Variants in TSHZ2 observed in about 807,000 individuals in gnomAD.
TSHZ2 encodes the protein teashirt homolog 2.
A neutral mutation model predicts 74.4 loss-of-function variants in TSHZ2; 21 were observed. That is an observed-to-expected ratio of 0.28 (90% CI 0.20 to 0.41). The LOEUF is 0.41. Ranked by LOEUF, TSHZ2 falls within the 10% of genes least tolerant of loss-of-function variation. The probability of loss-of-function intolerance (pLI) is 1.00; values close to 1 mark genes in which losing one functional copy is unlikely to be tolerated. For synonymous variants in TSHZ2, 540 were observed against 515.3 expected (o/e 1.05, Z -0.65); for missense variants, 1,244 against 1,293.5 (o/e 0.96, Z 0.59).
chr20:53,157,086 C>T (rs1286711404), intron 1 of TSHZ2, among the ~76,000 whole-genome samples: 1 of 152,182 alleles, frequency 6.6e-6, no homozygotes, highest in African/African-American at 2.4e-5. Flanking sequence ...GTCCTGCTTT[C>T]GTATCTGCCC....
At chr20:53,227,873 T>G (rs1050008577) in intron 1 of TSHZ2, among the ~76,000 whole-genome samples, 3 of 152,170 alleles carry the variant, frequency 2.0e-5, no homozygotes, top group African/African-American at 7.2e-5. Flanking sequence ...TTTCTTTCTT[T>G]CGTTCTTCCT....
chr20:53,152,632 C>T (rs1053258200), intron 1 of TSHZ2, among the ~76,000 whole-genome samples: 1 of 152,190 alleles, frequency 6.6e-6, no homozygotes, highest in East Asian at 1.9e-4. Context: ...CTATGTAGGA[C>T]AACCAAGACA....
At chr20:53,202,646 A>G (rs993481118) in intron 1 of TSHZ2, among the ~76,000 whole-genome samples, 1 of 152,228 alleles carries the variant, frequency 6.6e-6, no homozygotes, top group Non-Finnish European at 1.5e-5. Flanking sequence ...TCACCGTAGC[A>G]TAGGCAGAGG....
intron 2 of TSHZ2, among the ~76,000 whole-genome samples, chr20:53,466,517 T>TCCAGG (rs1158278249): frequency 6.6e-6 from 1 of 152,180 alleles, no homozygotes; most frequent in Non-Finnish European, 1.5e-5. Flanking sequence ...CTTTAAGCTG[T>TCCAGG]CCAGGTTGTT....
intron 2 of TSHZ2, among the ~76,000 whole-genome samples, chr20:53,351,292 G>T (rs183631395): frequency 6.9e-4 from 105 of 152,054 alleles, no homozygotes; most frequent in Middle Eastern, 6.8e-3. Context: ...TATTTTGCAT[G>T]GTTAAAAACT....
chr20:53,093,216 G>T (rs757176418), intron 1 of TSHZ2, among the ~76,000 whole-genome samples: 9 of 152,194 alleles, frequency 5.9e-5, no homozygotes, highest in Non-Finnish European at 1.3e-4. Flanking sequence ...AACGAGGAAT[G>T]CTCAGTGATG....
chr20:53,259,640 C>T (rs1990561234), intron 2 of TSHZ2, among the ~76,000 whole-genome samples: 1 of 152,170 alleles, frequency 6.6e-6, no homozygotes, highest in Non-Finnish European at 1.5e-5. Flanking sequence ...CAATGAGCTG[C>T]CACTTCTGTT....
intron 1 of TSHZ2, among the ~76,000 whole-genome samples, chr20:53,221,688 AC>A (rs1989561913): frequency 1.3e-5 from 2 of 152,164 alleles, no homozygotes; most frequent in South Asian, 4.1e-4. Flanking sequence ...ACTCATAATC[AC>A]TTGCTTTTTT....
At chr20:53,319,016 C>T (rs200649) in intron 2 of TSHZ2, among the ~76,000 whole-genome samples, 128,720 of 152,138 alleles carry the variant, frequency 0.85, 54,643 homozygotes, top group African/African-American at 0.9. Flanking sequence ...ATGAGACTTA[C>T]TCACTACCAT....
intron 1 of TSHZ2, among the ~76,000 whole-genome samples, chr20:53,037,911 C>T (rs776685412): frequency 4.6e-5 from 7 of 152,012 alleles, no homozygotes; most frequent in Non-Finnish European, 1.0e-4. Context: ...GCGAGTCTGC[C>T]AGGACAGAAT....
intron 2 of TSHZ2, among the ~76,000 whole-genome samples, chr20:53,376,250 C>G (rs1420260362): frequency 6.6e-6 from 1 of 152,174 alleles, no homozygotes; most frequent in Admixed American, 6.5e-5. Flanking sequence ...CTGGTTTGCT[C>G]TGGACTAAGA....
intron 2 of TSHZ2, among the ~76,000 whole-genome samples, chr20:53,472,802 ACCGTGCGCGAG>A (rs1348179269): frequency 6.6e-6 from 1 of 151,318 alleles, no homozygotes; most frequent in Non-Finnish European, 1.5e-5. Flanking sequence ...GGGTGCGCGC[ACCGTGCGCGAG>A]CCGAAGCAGG....
At chr20:53,064,936 C>G (rs1340767084) in intron 1 of TSHZ2, among the ~76,000 whole-genome samples, 2 of 152,198 alleles carry the variant, frequency 1.3e-5, no homozygotes, top group Admixed American at 6.5e-5. Context: ...TAATAATAAG[C>G]CTCTCTGACT....
intron 2 of TSHZ2, among the ~76,000 whole-genome samples, chr20:53,257,309 C>G (rs1332792745): frequency 6.6e-6 from 1 of 152,164 alleles, no homozygotes; most frequent in Non-Finnish European, 1.5e-5. Flanking sequence ...TTAGAGCCCA[C>G]CTTTAACAAA....
chr20:53,114,893 T>C (rs1986628679), intron 1 of TSHZ2, among the ~76,000 whole-genome samples: 1 of 152,170 alleles, frequency 6.6e-6, no homozygotes, highest in Admixed American at 6.5e-5. Context: ...ACCGATGTTT[T>C]AAATTGTGCC....
intron 1 of TSHZ2, among the ~76,000 whole-genome samples, chr20:53,043,179 G>A (rs184016040): frequency 1.2e-4 from 19 of 152,196 alleles, no homozygotes; most frequent in Non-Finnish European, 2.2e-4. Flanking sequence ...TAAAAAAATT[G>A]CTGGAAAAAT....
intron 1 of TSHZ2, among the ~76,000 whole-genome samples, chr20:53,107,783 T>C (rs1450418678): frequency 6.6e-6 from 1 of 152,172 alleles, no homozygotes; most frequent in Admixed American, 6.5e-5. Context: ...AGGGAGAGTG[T>C]AGGGGGCCCC....
intron 1 of TSHZ2, among the ~76,000 whole-genome samples, chr20:53,096,706 A>G (rs571628456): frequency 6.6e-6 from 1 of 151,964 alleles, no homozygotes; most frequent in South Asian, 2.1e-4. Context: ...AACATGGTGA[A>G]ACTCGTCTCT....
rs145390584 is a variant in TSHZ2, at chr20:53,215,724, C to T, written c.41-37775C>T. The stretch of plus-strand genomic sequence containing the variant: ...TCTCTACTAAAAATACAAAATTAGC[C>T]GGGCATGGTGGCACATGCCTGTAAT... On this transcript the variant is annotated intron_variant, in intron 1 of 2. Coordinates refer to ENST00000371497, the MANE Select transcript of TSHZ2 (RefSeq NM_173485.6). Among the ~76,000 whole-genome samples the T allele has an allele frequency of 4.1e-3, 624 of 151,712 alleles. 19 individuals carry two copies. The East Asian group carries it at 0.077, about 19-fold the overall frequency.
Sources: allele counts gnomAD v4.1 joint callset (sites outside exome capture counted in the v4.1 genomes callset), GRCh38; gene constraint gnomAD v4.1.1; transcripts MANE v1.5; gene names NCBI Gene and HGNC (gene_info 2026-07-23, HGNC 2026-07-21).